Variants in PHKB observed in about 807,000 individuals in gnomAD.
The protein encoded by PHKB is phosphorylase kinase regulatory subunit beta.
A neutral mutation model predicts 152.1 loss-of-function variants in PHKB; 122 were observed. The ratio of observed to expected loss-of-function variants is 0.80; its 90% CI spans 0.69 to 0.93. PHKB has a LOEUF of 0.93. PHKB is among the 40% of genes least tolerant of loss of function. The pLI is 0.00. For synonymous variants in PHKB, 436 were observed against 464.9 expected, an observed-to-expected ratio of 0.94 and a Z score of 0.80; for missense variants, 1,304 against 1,328.4, an observed-to-expected ratio of 0.98 and a Z score of 0.29.
chr16:47,627,275 G>C (rs567091902), intron 14 of PHKB, among the ~76,000 whole-genome samples: 1 of 152,190 alleles, frequency 6.6e-6, no homozygotes, highest in Non-Finnish European at 1.5e-5. Flanking sequence ...TGAGAACACC[G>C]TAGGTCAGAG....
intron 6 of PHKB, among the ~76,000 whole-genome samples, chr16:47,520,884 T>TA (rs1240002797): frequency 6.6e-6 from 1 of 152,218 alleles, no homozygotes; most frequent in African/African-American, 2.4e-5. Context: ...CTCATTTATC[T>TA]AATTTTTTGT....
At chr16:47,529,645 T>TA (rs1970827490) in intron 6 of PHKB, 2 of 152,102 alleles carry the variant, frequency 1.3e-5, no homozygotes, top group Admixed American at 1.3e-4. Flanking sequence ...GCACCCAGCC[T>TA]AAAAAACATA....
chr16:47,664,893 T>G lies in PHKB; in HGVS notation c.2345T>G (p.Val782Gly). 1 of 1,612,952 alleles carries G rather than the reference T, an allele frequency of 6.2e-7. No individual in the cohort carries two copies. The highest frequency in any genetic ancestry group is 8.5e-7 in the Non-Finnish European group (1 of 1,179,102). ...TCCACTGACACACCCAGGTTGGCGGTGCGCTACGGGGCTGCATTTACCCAG... is the reference window on the plus strand; with the variant it reads ...TCCACTGACACACCCAGGTTGGCGGGGCGCTACGGGGCTGCATTTACCCAG... Reference protein sequence around the residue: ...RAGSQKLWLAVRYGAAFTQKF... With the variant: ...RAGSQKLWLAGRYGAAFTQKF... The change falls in exon 25 of 31, where the codon GTG (valine) becomes GGG (glycine). Residue 782 changes from valine (V) to glycine (G), a missense_variant. Transcript: ENST00000323584.
rs1024158894 is a variant in PHKB at position 47,644,686 on chromosome 16, CTT to C, written c.1608+2997_1608+2998del. The stretch of plus-strand genomic sequence containing the variant: ...TTGCAGACAGATCAAAAATTGAAAA[CTT>C]TTAAAATTATTTAAATATAAAAGCA... On this transcript the variant is annotated intron_variant, in intron 16 of 30. Transcript: ENST00000323584. Among the ~76,000 whole-genome samples the C allele has an allele frequency of 7.9e-5, 12 of 152,140 alleles. No homozygotes were observed. In the East Asian group the frequency reaches 2.3e-3, roughly 29 times the overall value.
chr16:47,646,662 G>A (rs1973134010), intron 16 of PHKB, among the ~76,000 whole-genome samples: 1 of 150,526 alleles, frequency 6.6e-6, no homozygotes, highest in Admixed American at 6.6e-5. Flanking sequence ...TAATGTAGTA[G>A]TTTAAAAATA....
chr16:47,690,823 G>T (rs867154387), intron 27 of PHKB, among the ~76,000 whole-genome samples: 21 of 152,182 alleles, frequency 1.4e-4, no homozygotes, highest in African/African-American at 4.8e-4. Context: ...TGATTTTACA[G>T]TGGAGAAACC....
chr16:47,518,864 G>A (rs943038671), intron 6 of PHKB, among the ~76,000 whole-genome samples: 1 of 152,078 alleles, frequency 6.6e-6, no homozygotes, highest in Non-Finnish European at 1.5e-5. Context: ...GAACTGCTAC[G>A]TGGCGTTCCA....
At position 47,556,879 on chromosome 16, in the gene PHKB, G is replaced by A. The variant is rs11859924; in HGVS notation, c.710+9331G>A. 8.8e-3 allele frequency among the ~76,000 whole-genome samples: 1,344 copies of A among 152,240 alleles called. 25 individuals are homozygous for A. Among genetic ancestry groups the A allele is most frequent in the African/African-American group, 0.03 (1,263 of 41,508 alleles). On this transcript the variant is annotated intron_variant, in intron 7 of 30. Coordinates refer to ENST00000323584, the MANE Select transcript of PHKB (RefSeq NM_000293.3). ...CTCCTTGTACCTCAGGTAGAATTCGGCTGTGAATCCATCTGGTCCTGGACT... is the reference window on the plus strand; with the variant it reads ...CTCCTTGTACCTCAGGTAGAATTCGACTGTGAATCCATCTGGTCCTGGACT...
chr16:47,672,648 C>T (rs1456368174), intron 26 of PHKB, among the ~76,000 whole-genome samples: 1 of 152,054 alleles, frequency 6.6e-6, no homozygotes, highest in Non-Finnish European at 1.5e-5. Flanking sequence ...GTTTTTCAGT[C>T]TATAGTAGTT....
chr16:47,634,110 T>C (rs1050916130), intron 14 of PHKB, among the ~76,000 whole-genome samples: 5 of 152,238 alleles, frequency 3.3e-5, no homozygotes, highest in Non-Finnish European at 1.5e-5. Context: ...TGCTTATATA[T>C]TATGTATTAT....
At chr16:47,641,763 C>A in intron 16 of PHKB, 71 bp downstream of exon 16, 1 of 837,794 alleles carries the variant, frequency 1.2e-6, no homozygotes, top group South Asian at 1.3e-5. Context: ...ACTTAGTTTA[C>A]AGACAAGTCA....
At chr16:47,543,737 A>C (rs1412193666) in intron 6 of PHKB, among the ~76,000 whole-genome samples, 1 of 152,170 alleles carries the variant, frequency 6.6e-6, no homozygotes, top group Non-Finnish European at 1.5e-5. Flanking sequence ...GGGAGGCTGT[A>C]GGTCTCCAGG....
chr16:47,510,037 A>G (rs1280818234), intron 4 of PHKB, among the ~76,000 whole-genome samples: 1 of 152,178 alleles, frequency 6.6e-6, no homozygotes, highest in Non-Finnish European at 1.5e-5. Flanking sequence ...GAGACACTTT[A>G]CTTACTATTA....
chr16:47,634,187 T>C (rs1002312326), intron 14 of PHKB, among the ~76,000 whole-genome samples: 3 of 152,238 alleles, frequency 2.0e-5, no homozygotes, highest in Non-Finnish European at 4.4e-5. Context: ...CTGCAGCTTA[T>C]TGAGGTTAAG....
In PHKB at chr16:47,610,815, C is replaced by T. The variant is rs1227330846; in HGVS notation, c.1364-11C>T. 2 of 1,537,998 alleles carry T rather than the reference C, an allele frequency of 1.3e-6. No homozygotes were observed. The highest frequency in any genetic ancestry group is 1.8e-6 in the Non-Finnish European group (2 of 1,111,046). ...CATTTTCGATAATGTCATTCCCCTT[C>T]TTTTTTTCAGCTGATGAACTTATTA... On this transcript the variant is annotated splice_polypyrimidine_tract_variant and intron_variant, in intron 13 of 30. Coordinates refer to ENST00000323584, the MANE Select transcript of PHKB (RefSeq NM_000293.3).
At chr16:47,666,338 G>C (rs1446382485) in intron 25 of PHKB, among the ~76,000 whole-genome samples, 2 of 152,162 alleles carry the variant, frequency 1.3e-5, no homozygotes, top group African/African-American at 4.8e-5. Flanking sequence ...ACAGGTTTCG[G>C]ATAGGCAGAA....
intron 12 of PHKB, among the ~76,000 whole-genome samples, chr16:47,594,737 G>A (rs377498620): frequency 1.1e-4 from 16 of 152,306 alleles, no homozygotes; most frequent in South Asian, 8.3e-4. Context: ...AGTCTTAGGA[G>A]TAAGGGTATA....
chr16:47,685,270 C>G lies in PHKB; in HGVS notation c.2631-3771C>G, dbSNP rs552181305. 4.6e-5 allele frequency among the ~76,000 whole-genome samples: 7 copies of G among 152,146 alleles called. 1 individual carries two copies. In the East Asian group the frequency reaches 1.4e-3, roughly 29 times the overall value. ...CGAAACTTCATCTGTACTAAAAATACAAAAATTAGCTGGGTGTGGTGGCGC... is the reference window on the plus strand; with the variant it reads ...CGAAACTTCATCTGTACTAAAAATAGAAAAATTAGCTGGGTGTGGTGGCGC... On this transcript the variant is annotated intron_variant, in intron 26 of 30. Transcript: ENST00000323584.
rs532598443 is a variant in PHKB at position 47,506,038 on chromosome 16, A to G, written c.405+2948A>G. Among the ~76,000 whole-genome samples, 3 of 151,242 alleles carry G rather than the reference A, an allele frequency of 2.0e-5. No homozygotes were observed. In the East Asian group the frequency reaches 5.8e-4, roughly 29 times the overall value. ...AGGGGAAACTGTCTCAAAAAAAAAA[A>G]AAAAAAAGAAAAAAGAAAAAAGAGA... On this transcript the variant is annotated intron_variant, in intron 4 of 30. Transcript: ENST00000323584.
Sources: allele counts gnomAD v4.1 joint callset (sites outside exome capture counted in the v4.1 genomes callset), GRCh38; gene constraint gnomAD v4.1.1; transcripts MANE v1.5; gene names NCBI Gene and HGNC (gene_info 2026-07-23, HGNC 2026-07-21).